GOLGA4: variants seen among roughly 807,000 people sequenced by gnomAD.
The protein encoded by GOLGA4 is golgin subfamily A member 4.
Under a neutral mutation model 265.9 loss-of-function variants are expected in GOLGA4, and 169 were observed. That is an observed-to-expected ratio of 0.64 (90% CI 0.56 to 0.72). The LOEUF (loss-of-function observed/expected upper bound fraction) is 0.72, where lower values mean the gene tolerates loss of function less well. Among genes scored for constraint, GOLGA4 ranks in the 30% least tolerant of loss-of-function variants. The pLI is 0.00. For synonymous variants in GOLGA4, 923 were observed against 855.8 expected, an observed-to-expected ratio of 1.08 and a Z score of -1.37; for missense variants, 2,482 against 2,483.4, an observed-to-expected ratio of 1.00 and a Z score of 0.01.
At position 37,328,439 on chromosome 3, in the gene GOLGA4, T is replaced by C; in HGVS notation, c.5963T>C (p.Leu1988Pro). 1.9e-6 allele frequency: 3 copies of C among 1,612,976 alleles called. No homozygotes were observed. The highest frequency in any genetic ancestry group is 2.5e-6 in the Non-Finnish European group (3 of 1,179,230). ...AGACAGGAGCAGGAAGATCTTGAAC[T>C]GAAGCACAATTCCACATTAAAACAG... The part of the protein sequence containing the change: ...KIKQEQEDLE[L>P]KHNSTLKQLM... The change falls in exon 15 of 24, where the codon CTG (leucine) becomes CCG (proline). Residue 1988 changes from leucine (L) to proline (P), a missense_variant. Physicochemically the swap from Leu to Pro is moderately conservative, Grantham distance 98. Coordinates refer to ENST00000361924, the MANE Select transcript of GOLGA4 (RefSeq NM_002078.5).
rs1423143485 is a variant in GOLGA4 at position 37,326,809 on chromosome 3, G to T, written c.4923G>T (p.Lys1641Asn). The T allele has an allele frequency of 6.2e-7, 1 of 1,613,790 alleles. No individual in the cohort carries two copies. Among genetic ancestry groups the T allele is most frequent in the Admixed American group, 1.7e-5 (1 of 59,984 alleles). ...GTGCTGCAAAATTAGCAGAGTTGAA[G>T]AGAAAAGCTGAACAAAAAATTGCTG... ...SESAAKLAEL[K>N]RKAEQKIAAI... Residue 1641 changes from lysine to asparagine, a missense_variant, in exon 14 of 24, where the codon AAG becomes AAT. This residue lies in a region of GOLGA4 where 942 missense variants were observed against 983.1 expected (regional missense o/e 0.96). Transcript: ENST00000361924.
intron 2 of GOLGA4, among the ~76,000 whole-genome samples, chr3:37,266,226 G>A (rs1005682523): frequency 3.3e-5 from 5 of 151,618 alleles, no homozygotes; most frequent in Admixed American, 3.3e-4. Flanking sequence ...GAGTGCAATG[G>A]TCTCACTCTG....
At chr3:37,308,815 C>T (rs2096914591) in intron 10 of GOLGA4, among the ~76,000 whole-genome samples, 1 of 151,928 alleles carries the variant, frequency 6.6e-6, no homozygotes, top group African/African-American at 2.4e-5. Context: ...CGGAGTTTCA[C>T]CGTGTTAGCC....
At chr3:37,248,507 A>C (rs888883552) in intron 1 of GOLGA4, among the ~76,000 whole-genome samples, 5 of 152,234 alleles carry the variant, frequency 3.3e-5, no homozygotes, top group Non-Finnish European at 7.3e-5. Context: ...TTAAGGAACC[A>C]GGCACCTGGG....
chr3:37,344,962 C>T (rs1001819195), intron 20 of GOLGA4, among the ~76,000 whole-genome samples: 1 of 152,184 alleles, frequency 6.6e-6, no homozygotes, highest in African/African-American at 2.4e-5. Flanking sequence ...TGCCAATAGT[C>T]TGAACACTTT....
At position 37,355,128 on chromosome 3, in the gene GOLGA4, C is replaced by T. The variant is rs950853409; in HGVS notation, c.6604C>T (p.Leu2202=). ...CATGGCAAAAGTTATAACCACCGTA[C>T]TGAAGTTCCCTGATGATCAGACTCA... ...KTMAKVITTV[L]KFPDDQTQKI... The change falls in exon 22 of 24, where the codon CTG becomes TTG. Residue 2202 remains leucine, a synonymous_variant. Coordinates refer to ENST00000361924, the MANE Select transcript of GOLGA4 (RefSeq NM_002078.5). 2 of 1,607,002 alleles carry T rather than the reference C, an allele frequency of 1.2e-6. No homozygotes were observed. The highest frequency in any genetic ancestry group is 1.3e-5 in the African/African-American group (1 of 74,718).
rs142075889 is a variant in GOLGA4, at chr3:37,326,137, A to G, written c.4251A>G (p.Leu1417=). ...AATTGCTGGATCAGGTGCAAGATTT[A>G]TCTTTTAAAGTTGACACTCTGAGTA... ...KCELLDQVQD[L]SFKVDTLSKE... is the part of the protein sequence containing the mutation. Residue 1417 remains leucine, a synonymous_variant, in exon 14 of 24, where the codon TTA becomes TTG. Coordinates refer to ENST00000361924, the MANE Select transcript of GOLGA4 (RefSeq NM_002078.5). 3,684 of 1,613,720 alleles carry G rather than the reference A, an allele frequency of 2.3e-3. 65 individuals carry two copies. Among genetic ancestry groups the G allele is most frequent in the South Asian group, 0.021 (1,891 of 91,018 alleles).
intron 16 of GOLGA4, among the ~76,000 whole-genome samples, chr3:37,332,929 T>A (rs926115530): frequency 6.6e-6 from 1 of 152,244 alleles, no homozygotes; most frequent in Non-Finnish European, 1.5e-5. Flanking sequence ...CTTATGTGAT[T>A]TTTGTCATAT....
rs1377789464 is a variant in GOLGA4 at position 37,366,426 on chromosome 3, A to AT, written c.*386dup. Reference sequence around the variant, plus strand: ...ACCTTTCCTATTTATTTTTAGGGTGATTTTTTAAAAAGACTTGTGCAATAC... The same window carrying AT: ...ACCTTTCCTATTTATTTTTAGGGTGATTTTTTTAAAAAGACTTGTGCAATAC... On this transcript the variant is annotated 3_prime_UTR_variant, in exon 24 of 24. Transcript: ENST00000361924. 2 of 264,280 alleles carry AT rather than the reference A, an allele frequency of 7.6e-6. No individual in the cohort carries two copies. Among genetic ancestry groups the AT allele is most frequent in the East Asian group, 6.9e-5 (1 of 14,586 alleles). The allele number at this position is 264,280 out of a possible 1,614,324, so 16.4% of individuals were successfully genotyped here.
chr3:37,243,613 T>A lies in GOLGA4; in HGVS notation c.63T>A (p.Ala21=), dbSNP rs754089232. The A allele has an allele frequency of 1.9e-6, 3 of 1,611,676 alleles. No individual in the cohort carries two copies. Among genetic ancestry groups the A allele is most frequent in the Non-Finnish European group, 2.5e-6 (3 of 1,178,430 alleles). ...EEQQQLQQAL[A]PAQASSNSST... ...AGCAGCAGCTCCAGCAGGCGCTGGC[T>A]CCTGCTCAGGTACGATGGCCGCCGC... is the stretch of plus-strand genomic sequence containing the variant. The change falls in exon 1 of 24, where the codon GCT becomes GCA. Residue 21 remains alanine (A), a synonymous_variant. Transcript: ENST00000361924.
intron 20 of GOLGA4, among the ~76,000 whole-genome samples, chr3:37,343,672 G>A (rs866003605): frequency 6.6e-6 from 1 of 152,150 alleles, no homozygotes; most frequent in Non-Finnish European, 1.5e-5. Flanking sequence ...ATATAGAGTG[G>A]ACCACATTCT....
chr3:37,288,617 CA>C (rs1297087402), intron 4 of GOLGA4, among the ~76,000 whole-genome samples: 1 of 151,938 alleles, frequency 6.6e-6, no homozygotes, highest in Non-Finnish European at 1.5e-5. Flanking sequence ...GCTGGGACTA[CA>C]GGCGCCTGCC....
At chr3:37,288,370 A>G (rs1460370270) in intron 4 of GOLGA4, among the ~76,000 whole-genome samples, 1 of 151,834 alleles carries the variant, frequency 6.6e-6, no homozygotes, top group Non-Finnish European at 1.5e-5. Flanking sequence ...CGGCCTCCCA[A>G]AGTGCTGGGA....
chr3:37,246,400 A>G (rs7616457), intron 1 of GOLGA4, among the ~76,000 whole-genome samples: 3 of 152,240 alleles, frequency 2.0e-5, no homozygotes, highest in Non-Finnish European at 4.4e-5. Context: ...AACATCAAGA[A>G]GTAATACAGA....
chr3:37,266,408 C>A (rs1369601013), intron 2 of GOLGA4, among the ~76,000 whole-genome samples: 1 of 152,142 alleles, frequency 6.6e-6, no homozygotes, highest in African/African-American at 2.4e-5. Context: ...CCATATTGGT[C>A]AGGCTGATCT....
At chr3:37,308,935 A>G (rs115065239) in intron 10 of GOLGA4, among the ~76,000 whole-genome samples, 5,837 of 151,072 alleles carry the variant, frequency 0.039, 144 homozygotes, top group African/African-American at 0.056. Flanking sequence ...TTTTAACAAT[A>G]TTTGTTTAAT....
chr3:37,333,566 G>T (rs975926570), intron 16 of GOLGA4, among the ~76,000 whole-genome samples: 1 of 152,124 alleles, frequency 6.6e-6, no homozygotes. Context: ...TAGAAACTGA[G>T]CCTGACTAAA....
chr3:37,294,570 A>T (rs1255261199), intron 5 of GOLGA4, among the ~76,000 whole-genome samples: 1 of 152,026 alleles, frequency 6.6e-6, no homozygotes, highest in Non-Finnish European at 1.5e-5. Context: ...TATTTAGTAG[A>T]GACGGGGTTT....
At chr3:37,349,644 G>A (rs2097067416) in intron 21 of GOLGA4, among the ~76,000 whole-genome samples, 1 of 152,128 alleles carries the variant, frequency 6.6e-6, no homozygotes, top group African/African-American at 2.4e-5. Flanking sequence ...TTTTCAAGTA[G>A]GGATTTACAA....
Sources: gnomAD v4.1 joint callset for allele counts (sites outside exome capture counted in the v4.1 genomes callset) on GRCh38, gnomAD v4.1.1 for gene constraint, gnomAD v4.1.1 regional missense constraint, MANE v1.5 for transcripts, NCBI Gene and HGNC (gene_info 2026-07-23, HGNC 2026-07-21) for gene names.